Variants in ARHGAP42 observed in about 807,000 individuals in gnomAD.
ARHGAP42 encodes rho GTPase-activating protein 42.
Under a neutral mutation model 125.0 loss-of-function variants are expected in ARHGAP42, and 63 were observed. The observed-to-expected ratio is 0.50, with a 90% CI of 0.41 to 0.62. ARHGAP42 has a LOEUF of 0.62. Ranked by LOEUF, ARHGAP42 falls within the 20% of genes least tolerant of loss-of-function variation. The probability of loss-of-function intolerance (pLI) is 0.00; values close to 1 mark genes in which losing one functional copy is unlikely to be tolerated. For missense variants in ARHGAP42, 766 were observed against 1,024.2 expected (o/e 0.75, Z 3.44); for synonymous variants, 339 against 351.0 (o/e 0.97, Z 0.38).
At chr11:100,737,111 C>T (rs2120331793) in intron 1 of ARHGAP42, among the ~76,000 whole-genome samples, 1 of 152,260 alleles carries the variant, frequency 6.6e-6, no homozygotes, top group Non-Finnish European at 1.5e-5. Flanking sequence ...AATGAGTAGA[C>T]ATTGTTAGGA....
At chr11:100,692,499 A>T (rs1675796857) in intron 1 of ARHGAP42, among the ~76,000 whole-genome samples, 1 of 152,074 alleles carries the variant, frequency 6.6e-6, no homozygotes, top group Non-Finnish European at 1.5e-5. Flanking sequence ...TCATTTTCTC[A>T]CACTTTTCCC....
At chr11:100,977,289 A>G (rs1301804125) in intron 21 of ARHGAP42, among the ~76,000 whole-genome samples, 1 of 152,202 alleles carries the variant, frequency 6.6e-6, no homozygotes, top group African/African-American at 2.4e-5. Flanking sequence ...TGTTCCCATT[A>G]AAAGCTAAAC....
intron 23 of ARHGAP42, among the ~76,000 whole-genome samples, chr11:100,988,426 A>G (rs1280751069): frequency 1.3e-5 from 2 of 152,234 alleles, no homozygotes; most frequent in East Asian, 3.8e-4. Flanking sequence ...AAAAATATAT[A>G]GTATAACAAC....
intron 3 of ARHGAP42, among the ~76,000 whole-genome samples, chr11:100,825,793 A>T (rs1379236063): frequency 6.6e-6 from 1 of 152,176 alleles, no homozygotes; most frequent in Non-Finnish European, 1.5e-5. Context: ...ATGTACCCAC[A>T]TTCAGTGTGC....
chr11:100,824,160 T>G (rs556146), intron 3 of ARHGAP42, among the ~76,000 whole-genome samples: 120,362 of 152,108 alleles, frequency 0.79, 47,680 homozygotes, highest in South Asian at 0.83. Context: ...AGCATGTGGG[T>G]AGTAGCCTCT....
At chr11:100,868,149 A>T (rs1333937079) in intron 4 of ARHGAP42, among the ~76,000 whole-genome samples, 1 of 152,240 alleles carries the variant, frequency 6.6e-6, no homozygotes, top group Non-Finnish European at 1.5e-5. Context: ...AGAGACATAA[A>T]GTGAGCATTG....
intron 3 of ARHGAP42, among the ~76,000 whole-genome samples, chr11:100,850,061 A>G (rs1185405407): frequency 6.6e-6 from 1 of 152,172 alleles, no homozygotes; most frequent in Non-Finnish European, 1.5e-5. Context: ...TATTATTTCA[A>G]GTAAGCATTT....
chr11:100,745,699 CCTT>C (rs1862287312), intron 1 of ARHGAP42, among the ~76,000 whole-genome samples: 2 of 152,126 alleles, frequency 1.3e-5, no homozygotes, highest in South Asian at 2.1e-4. Context: ...GACACAAACT[CCTT>C]CTTTTTCTGC....
rs936530862 is a variant in ARHGAP42 at position 100,687,411 on chromosome 11, C to G, written c.-268C>G. Among the ~76,000 whole-genome samples the G allele has an allele frequency of 1.1e-4, 16 of 151,990 alleles. No homozygotes were observed. Among genetic ancestry groups the G allele is most frequent in the Non-Finnish European group, 2.1e-4 (14 of 67,940 alleles). ...CTCGCCGCCCCCGCGTTCCGAACGA[C>G]GATGCGTCCAGATGACAACAACCTG... is the stretch of plus-strand genomic sequence containing the variant. On this transcript the variant is annotated 5_prime_UTR_variant, in exon 1 of 24. Transcript: ENST00000298815.
chr11:100,879,429 C>G (rs7342248), intron 4 of ARHGAP42, among the ~76,000 whole-genome samples: 13,660 of 152,220 alleles, frequency 0.09, 679 homozygotes, highest in East Asian at 0.25. Context: ...CACCCATCTT[C>G]TCTAGCTAGA....
chr11:100,975,319 A>G (rs1046247196), intron 19 of ARHGAP42, among the ~76,000 whole-genome samples: 4 of 152,194 alleles, frequency 2.6e-5, no homozygotes, highest in Admixed American at 1.3e-4. Context: ...AAAATATCCT[A>G]TGTTCTCCAC....
At chr11:100,897,031 A>G (rs1192047438) in intron 4 of ARHGAP42, among the ~76,000 whole-genome samples, 3 of 152,100 alleles carry the variant, frequency 2.0e-5, no homozygotes, top group African/African-American at 7.2e-5. Context: ...GTGTAAGGAA[A>G]GGATCCAGTT....
chr11:100,983,870 G>GCAT (rs1338166869), intron 22 of ARHGAP42, among the ~76,000 whole-genome samples: 2 of 152,178 alleles, frequency 1.3e-5, no homozygotes, highest in Admixed American at 1.3e-4. Context: ...TGGGCATGGT[G>GCAT]GCACACTCCT....
At chr11:100,735,602 CTTTTTT>C (rs58522622) in intron 1 of ARHGAP42, among the ~76,000 whole-genome samples, 34 of 73,064 alleles carry the variant, frequency 4.7e-4, no homozygotes, top group African/African-American at 1.4e-3. Context: ...TTTACTTGTA[CTTTTTT>C]TTTTTTTTTT....
intron 1 of ARHGAP42, among the ~76,000 whole-genome samples, chr11:100,757,274 G>A (rs980593013): frequency 6.6e-6 from 1 of 152,148 alleles, no homozygotes; most frequent in Admixed American, 6.5e-5. Context: ...TAGAAAGAGG[G>A]TTGATTTTGA....
At chr11:100,959,861 G>A in intron 12 of ARHGAP42, 22 bp from the exon 13 acceptor site, 1 of 1,549,908 alleles carries the variant, frequency 6.5e-7, no homozygotes, top group East Asian at 2.4e-5. Context: ...AACACCTAAT[G>A]CGATTTCTCT....
chr11:100,830,231 T>C (rs1864633132), intron 3 of ARHGAP42, among the ~76,000 whole-genome samples: 1 of 152,212 alleles, frequency 6.6e-6, no homozygotes, highest in Non-Finnish European at 1.5e-5. Flanking sequence ...AGACTTATAC[T>C]GAATGCTCTT....
intron 1 of ARHGAP42, among the ~76,000 whole-genome samples, chr11:100,769,942 A>G (rs952386812): frequency 6.6e-6 from 1 of 152,080 alleles, no homozygotes; most frequent in South Asian, 2.1e-4. Context: ...ACGTTTACCT[A>G]TGTAACAAAA....
In ARHGAP42 at chr11:100,829,101, A is replaced by G. The variant is rs557079723; in HGVS notation, c.313-30453A>G. 2.0e-5 allele frequency among the ~76,000 whole-genome samples: 3 copies of G among 152,220 alleles called. No individual in the cohort carries two copies. The East Asian group carries it at 5.8e-4, about 29-fold the overall frequency. The stretch of plus-strand genomic sequence containing the variant: ...TTTGCTCTCCTTTCCTGCCATCCTT[A>G]GTCTGTGGCCCTTATCCTCATGCTT... On this transcript the variant is annotated intron_variant, in intron 3 of 23. Coordinates refer to ENST00000298815, the MANE Select transcript of ARHGAP42 (RefSeq NM_152432.4).
Sources: allele counts gnomAD v4.1 joint callset (sites outside exome capture counted in the v4.1 genomes callset), GRCh38; gene constraint gnomAD v4.1.1; transcripts MANE v1.5; gene names NCBI Gene and HGNC (gene_info 2026-07-23, HGNC 2026-07-21).